Variants in LIMS2 observed in about 807,000 individuals in gnomAD.
LIMS2 encodes the protein LIM zinc finger domain containing 2, also known as LIM and senescent cell antigen-like-containing domain protein 2.
In LIMS2, 30 loss-of-function variants were observed where a neutral mutation model predicts 45.3. That is an observed-to-expected ratio of 0.66 (90% CI 0.50 to 0.90). The LOEUF is 0.90. Among genes scored for constraint, LIMS2 ranks in the 40% least tolerant of loss-of-function variants. The pLI is 0.00. For missense variants in LIMS2, 485 were observed against 468.7 expected (o/e 1.03, Z -0.32); for synonymous variants, 173 against 188.0 (o/e 0.92, Z 0.65).
Position 127,668,687 on chromosome 2 carries a change from AAAAAAAAAAAAAAAAAAAAAAAAAC to A in LIMS2, c.11+6302_11+6326del, listed in dbSNP as rs1388173498. Among the ~76,000 whole-genome samples the A allele has an allele frequency of 2.5e-4, 32 of 130,200 alleles. 1 individual carries two copies. The South Asian group carries it at 6.2e-3, about 25-fold the overall frequency. 85.4% of individuals were successfully genotyped at this position (130,200 alleles called of 152,430 possible). On this transcript the variant is annotated intron_variant, in intron 1 of 9. Coordinates refer to ENST00000355119, the MANE Select transcript of LIMS2 (RefSeq NM_001161403.3). ...CCGTCTCAAAAAAAAAAAAAAAAAA[AAAAAAAAAAAAAAAAAAAAAAAAAC>A]ACCTTACTTAAAAATTACAATTTAC...
chr2:127,658,924 C>T (rs1245727194), intron 1 of LIMS2, among the ~76,000 whole-genome samples: 5 of 152,178 alleles, frequency 3.3e-5, no homozygotes, highest in African/African-American at 9.7e-5. Context: ...CAGTCACTGC[C>T]GCGACATCAT....
At position 127,652,025 on chromosome 2, in the gene LIMS2, G is replaced by A. The variant is rs73954681; in HGVS notation, c.359+2399C>T. On this transcript the variant is annotated intron_variant, in intron 4 of 9. Transcript: ENST00000355119. Reference sequence around the variant, plus strand: ...ATCTGTGGCAGGGAGAGAGGAGGCCGGAAGAACAACCCCTGAACAATGGAG... The same window carrying A: ...ATCTGTGGCAGGGAGAGAGGAGGCCAGAAGAACAACCCCTGAACAATGGAG... 3,628 of 517,572 alleles carry A rather than the reference G, an allele frequency of 7.0e-3. 118 individuals are homozygous for A. Among genetic ancestry groups the A allele is most frequent in the African/African-American group, 0.064 (3,348 of 52,616 alleles). The allele number at this position is 517,572 out of a possible 1,614,324, so 32.1% of individuals were successfully genotyped here.
chr2:127,650,779 T>C, intron 4 of LIMS2: 2 of 1,613,724 alleles, frequency 1.2e-6, no homozygotes, highest in Non-Finnish European at 8.5e-7. Context: ...ATCACCAACT[T>C]CTCCCTGGCC....
intron 4 of LIMS2, chr2:127,650,008 CAGGATGTCCAAACGG>C (rs1683559155): frequency 6.2e-7 from 1 of 1,607,066 alleles, no homozygotes. Flanking sequence ...CCCCACCTGT[CAGGATGTCCAAACGG>C]AGTTGGTGGG....
rs1328622289 is a variant in LIMS2, at chr2:127,654,409, A to G, written c.359+15T>C. ...CTGTGGCCCAGTCCTCTCTGGCCCAACACGGCCACCTCACCTGCCGGCATT... is the reference window on the plus strand; with the variant it reads ...CTGTGGCCCAGTCCTCTCTGGCCCAGCACGGCCACCTCACCTGCCGGCATT... On this transcript the variant is annotated intron_variant, in intron 4 of 9. Coordinates refer to ENST00000355119, the MANE Select transcript of LIMS2 (RefSeq NM_001161403.3). 1.9e-6 allele frequency: 3 copies of G among 1,613,774 alleles called. No homozygotes were observed. The highest frequency in any genetic ancestry group is 1.7e-6 in the Non-Finnish European group (2 of 1,179,950).
At chr2:127,639,995 G>C in intron 9 of LIMS2, 75 bp downstream of exon 9, 1 of 1,463,638 alleles carries the variant, frequency 6.8e-7, no homozygotes, top group Non-Finnish European at 9.6e-7. Context: ...CTGGTGTGCA[G>C]GAGGGCTGCT....
intron 6 of LIMS2, chr2:127,641,829 C>T (rs900463885): frequency 1.9e-6 from 1 of 516,296 alleles, no homozygotes. Context: ...GTGGGCACAG[C>T]TACCCAACCG....
chr2:127,664,360 G>A lies in LIMS2; in HGVS notation c.12-6798C>T. The A allele has an allele frequency of 8.2e-7, 1 of 1,218,208 alleles. No homozygotes were observed. The highest frequency in any genetic ancestry group is 4.1e-5 in the South Asian group (1 of 24,552). The allele number at this position is 1,218,208 out of a possible 1,614,324, so 75.5% of individuals were successfully genotyped here. A position where few individuals can be genotyped will look rare whatever the true frequency, so the allele number is the denominator to read the frequency against. On this transcript the variant is annotated intron_variant, in intron 1 of 9. Coordinates refer to ENST00000355119, the MANE Select transcript of LIMS2 (RefSeq NM_001161403.3). The surrounding 1 kb of genome is among the most constrained non-coding windows in gnomAD (Gnocchi z 5.5). ...CTGGCGCCGCCGGTACAGCCCCGAC[G>A]CGGCCAGCGCACCCAGCCGGGCCGC...
Position 127,642,962 on chromosome 2 carries a change from T to TC in LIMS2, c.469dup (p.Asp157GlyfsTer6). 6.4e-7 allele frequency: 1 copy of TC among 1,568,570 alleles called. No homozygotes were observed. Among genetic ancestry groups the TC allele is most frequent in the Non-Finnish European group, 8.6e-7 (1 of 1,156,832 alleles). Reference sequence around the variant, plus strand: ...GTTGAAGTGGTCAGGGTGGTAGGCGTCGCTCCTGAACATGAGGGGCTGCTC... The same window carrying TC: ...GTTGAAGTGGTCAGGGTGGTAGGCGTCCGCTCCTGAACATGAGGGGCTGCTC... On this transcript the variant is annotated frameshift_variant, in exon 5 of 10. Coordinates refer to ENST00000355119, the MANE Select transcript of LIMS2 (RefSeq NM_001161403.3). LOFTEE classifies it high-confidence loss of function. The surrounding 1 kb of genome is among the most constrained non-coding windows in gnomAD (Gnocchi z 5.3).
At position 127,639,336 on chromosome 2, in the gene LIMS2, G is replaced by A. The variant is rs377574169; in HGVS notation, c.971C>T (p.Ser324Leu). ...CTGGGCCTTGCGGGAGGTCAGCTCC[G>A]ACAGCTTCTTCAGCCGCTTCTTCAG... ...LELKKRLKKL[S>L]ELTSRKAQPK... is the part of the protein sequence containing the mutation. The change falls in exon 10 of 10, where the codon TCG (serine) becomes TTG (leucine). Residue 324 changes from serine (S) to leucine (L), a missense_variant. Ser to Leu is a moderately radical substitution (Grantham distance 145, BLOSUM62 -2). Coordinates refer to ENST00000355119, the MANE Select transcript of LIMS2 (RefSeq NM_001161403.3). 96 of 1,613,894 alleles carry A rather than the reference G, an allele frequency of 5.9e-5. No homozygotes were observed. The African/African-American group carries it at 6.1e-4, about 10-fold the overall frequency.
intron 1 of LIMS2, chr2:127,674,654 A>T: frequency 1.0e-6 from 1 of 984,484 alleles, no homozygotes; most frequent in Non-Finnish European, 1.2e-6. Flanking sequence ...GGGCTCGGGG[A>T]AGTTGGGGGA....
At chr2:127,658,057 A>G (rs1457308548) in intron 1 of LIMS2, among the ~76,000 whole-genome samples, 2 of 152,194 alleles carry the variant, frequency 1.3e-5, no homozygotes, top group African/African-American at 2.4e-5. Flanking sequence ...ACTGCCTCCA[A>G]TAAACACATA....
In LIMS2 at chr2:127,653,078, A is replaced by G. The variant is rs1370754968; in HGVS notation, c.359+1346T>C. 6.6e-6 allele frequency among the ~76,000 whole-genome samples: 1 copy of G among 152,148 alleles called. No individual in the cohort carries two copies. Among genetic ancestry groups the G allele is most frequent in the Admixed American group, 6.5e-5 (1 of 15,274 alleles). ...CCCTGCACTGCACCGTCTGCCCCTC[A>G]GCCCTTCATTTAGACAAGCTGCTCA... On this transcript the variant is annotated intron_variant, in intron 4 of 9. Coordinates refer to ENST00000355119, the MANE Select transcript of LIMS2 (RefSeq NM_001161403.3). This position sits in a 1 kb window ranked among gnomAD's most constrained non-coding sequence, Gnocchi z 5.3.
rs891515 is a variant in LIMS2, at chr2:127,639,232, A to G, written c.*49T>C. 0.52 allele frequency: 828,917 copies of G among 1,597,422 alleles called. 222,430 individuals carry two copies. Among genetic ancestry groups the G allele is most frequent in the African/African-American group, 0.79 (59,183 of 74,580 alleles). ...GACGAGGGGGCCAAGCATGGACAGC[A>G]GGAGGGGAGAAGGCGGAGGGGCCGA... is the stretch of plus-strand genomic sequence containing the variant. On this transcript the variant is annotated 3_prime_UTR_variant, in exon 10 of 10. Transcript: ENST00000355119.
chr2:127,646,535 G>A (rs534103991), intron 4 of LIMS2: 24 of 152,422 alleles, frequency 1.6e-4, no homozygotes, highest in African/African-American at 5.5e-4. Context: ...ACCCATAGAG[G>A]AGCCAGATGC....
intron 1 of LIMS2, among the ~76,000 whole-genome samples, chr2:127,660,478 G>A (rs920275573): frequency 5.5e-4 from 83 of 152,268 alleles, no homozygotes; most frequent in African/African-American, 1.8e-3. Flanking sequence ...TGAACCGACG[G>A]GGAGGAATCG....
upstream of LIMS2, among the ~76,000 whole-genome samples, chr2:127,677,836 G>A (rs1364290247): frequency 6.6e-6 from 1 of 152,152 alleles, no homozygotes; most frequent in Non-Finnish European, 1.5e-5. The surrounding 1 kb of genome is among the most constrained non-coding windows in gnomAD (Gnocchi z 5.0). Flanking sequence ...AATCAGAACG[G>A]TGGCTGCCTC....
At chr2:127,665,924 A>G (rs917493023) in intron 1 of LIMS2, among the ~76,000 whole-genome samples, 3 of 152,244 alleles carry the variant, frequency 2.0e-5, no homozygotes, top group Admixed American at 6.5e-5. Context: ...ATGAAGTTCA[A>G]GCACAAGTTT....
chr2:127,642,425 G>A lies in LIMS2; in HGVS notation c.510-226C>T, dbSNP rs968555535. 1 of 469,104 alleles carries A rather than the reference G, an allele frequency of 2.1e-6. No individual in the cohort carries two copies. Among genetic ancestry groups the A allele is most frequent in the Admixed American group, 3.8e-5 (1 of 26,106 alleles). The allele number at this position is 469,104 out of a possible 1,614,324, so 29.1% of individuals were successfully genotyped here. A position where few individuals can be genotyped will look rare whatever the true frequency, so the allele number is the denominator to read the frequency against. ...AGCCCAGAAGAGTGGGCTGTGTTCT[G>A]CACCCAGGCCTCTGAGAAGCAGGTC... On this transcript the variant is annotated intron_variant, in intron 5 of 9. Coordinates refer to ENST00000355119, the MANE Select transcript of LIMS2 (RefSeq NM_001161403.3). The surrounding 1 kb of genome is among the most constrained non-coding windows in gnomAD (Gnocchi z 5.3).
Sources: allele counts gnomAD v4.1 joint callset (sites outside exome capture counted in the v4.1 genomes callset), GRCh38; gene constraint gnomAD v4.1.1; non-coding constraint Gnocchi (gnomAD v3.1); transcripts MANE v1.5; gene names NCBI Gene and HGNC (gene_info 2026-07-23, HGNC 2026-07-21).